The following CASP5 variants were observed in gnomAD, a reference collection of about 807,000 sequenced individuals.
The protein encoded by CASP5 is caspase 5.
A neutral mutation model predicts 45.2 loss-of-function variants in CASP5; 42 were observed. The observed-to-expected ratio is 0.93, with a 90% CI of 0.73 to 1.20. The LOEUF is 1.20. Among genes scored for constraint, CASP5 ranks in the 50% most tolerant of loss-of-function variants. The probability of loss-of-function intolerance (pLI) is 0.00; values close to 1 mark genes in which losing one functional copy is unlikely to be tolerated. For synonymous variants in CASP5, 209 were observed against 186.2 expected (o/e 1.12, Z -1.00); for missense variants, 512 against 532.2 (o/e 0.96, Z 0.37).
At chr11:105,017,900 C>T (rs1021499581) in intron 1 of CASP5, among the ~76,000 whole-genome samples, 7 of 152,156 alleles carry the variant, frequency 4.6e-5, no homozygotes, top group African/African-American at 1.7e-4. Flanking sequence ...TAAGGGCAGC[C>T]AGAGAGAAAG....
At chr11:104,997,749 T>C (rs1163725960) in intron 7 of CASP5, among the ~76,000 whole-genome samples, 2 of 152,196 alleles carry the variant, frequency 1.3e-5, no homozygotes, top group African/African-American at 4.8e-5. Context: ...ATTATGGACC[T>C]CATGTTCATT....
At position 104,999,048 on chromosome 11, in the gene CASP5, C is replaced by CTTT; in HGVS notation, c.953-23_953-21dup. On this transcript the variant is annotated intron_variant, in intron 6 of 9. Coordinates refer to ENST00000260315, the MANE Select transcript of CASP5 (RefSeq NM_004347.5). The stretch of plus-strand genomic sequence containing the variant: ...GTTTTTCTGTAGAGACATCAACTTT[C>CTTT]TTTTTTTTTTATGTTACTTTAAGTT... 2 of 1,409,884 alleles carry CTTT rather than the reference C, an allele frequency of 1.4e-6. No homozygotes were observed. The highest frequency in any genetic ancestry group is 1.9e-6 in the Non-Finnish European group (2 of 1,048,176). The allele number at this position is 1,409,884 out of a possible 1,614,324, so 87.3% of individuals were successfully genotyped here.
At chr11:105,006,622 A>G (rs1022449708) in intron 3 of CASP5, among the ~76,000 whole-genome samples, 3 of 152,216 alleles carry the variant, frequency 2.0e-5, no homozygotes, top group African/African-American at 7.2e-5. Flanking sequence ...AGAGTCCTGA[A>G]TGAGAGCTGG....
At chr11:105,019,880 T>C (rs897084461) in intron 1 of CASP5, among the ~76,000 whole-genome samples, 3 of 145,596 alleles carry the variant, frequency 2.1e-5, no homozygotes, top group African/African-American at 7.5e-5. Context: ...CCAATATCCT[T>C]GATGAACATT....
chr11:105,006,925 A>G (rs1313964526), intron 3 of CASP5, among the ~76,000 whole-genome samples, 158 bp downstream of exon 3: 1 of 152,210 alleles, frequency 6.6e-6, no homozygotes, highest in Non-Finnish European at 1.5e-5. Flanking sequence ...CCGTCCCATA[A>G]AAGACAAGGT....
Position 104,997,377 on chromosome 11 carries a change from G to A in CASP5, c.1206+6C>T, listed in dbSNP as rs752540426. On this transcript the variant is annotated splice_donor_region_variant and intron_variant, in intron 8 of 9. Coordinates refer to ENST00000260315, the MANE Select transcript of CASP5 (RefSeq NM_004347.5). Reference sequence around the variant, plus strand: ...TAAATGACTAGAAAAGGAAATGGAAGCTTACCTTCCGAAATATTTCCATTA... The same window carrying A: ...TAAATGACTAGAAAAGGAAATGGAAACTTACCTTCCGAAATATTTCCATTA... The A allele has an allele frequency of 1.0e-5, 16 of 1,557,048 alleles. No individual in the cohort carries two copies. The highest frequency in any genetic ancestry group is 1.4e-5 in the Non-Finnish European group (16 of 1,128,546).
Position 104,995,816 on chromosome 11 carries a change from C to T in CASP5, c.1233G>A (p.Gln411=), listed in dbSNP as rs1861442796. 6.2e-7 allele frequency: 1 copy of T among 1,611,494 alleles called. No homozygotes were observed. Among genetic ancestry groups the T allele is most frequent in the Non-Finnish European group, 8.5e-7 (1 of 1,178,212 alleles). ...CTATGGTGGGCATCTGGGCTTTAGCCTGTGGAACTTCAAATGATTTCTGTA... is the reference window on the plus strand; with the variant it reads ...CTATGGTGGGCATCTGGGCTTTAGCTTGTGGAACTTCAAATGATTTCTGTA... ...RKVQKSFEVP[Q]AKAQMPTIER... The change falls in exon 9 of 10, where the codon CAG becomes CAA. Residue 411 remains glutamine (Q), a synonymous_variant. Transcript: ENST00000260315.
chr11:105,013,198 C>A (rs1158207892), intron 1 of CASP5, among the ~76,000 whole-genome samples: 1 of 151,996 alleles, frequency 6.6e-6, no homozygotes, highest in East Asian at 1.9e-4. Context: ...TATGATCTCA[C>A]TGATGTGTAG....
chr11:105,022,153 C>G (rs1463640186), intron 1 of CASP5, among the ~76,000 whole-genome samples: 1 of 122,524 alleles, frequency 8.2e-6, no homozygotes, highest in Admixed American at 1.0e-4. Context: ...CACTCTGGAG[C>G]CTGTTGTGGG....
intron 9 of CASP5, 127 bp downstream of exon 9, chr11:104,995,609 TACTC>T: frequency 1.8e-6 from 1 of 544,886 alleles, no homozygotes; most frequent in East Asian, 2.9e-5. Flanking sequence ...AGCAAATAAA[TACTC>T]ACCAGACTAC....
rs1245124190 is a variant in CASP5 at position 105,000,419 on chromosome 11, A to G, written c.794T>C (p.Met265Thr). 1.2e-6 allele frequency: 2 copies of G among 1,614,052 alleles called. No individual in the cohort carries two copies. Among genetic ancestry groups the G allele is most frequent in the Non-Finnish European group, 1.7e-6 (2 of 1,180,016 alleles). The change falls in exon 6 of 10, where the codon ATG (methionine) becomes ACG (threonine). Residue 265 changes from methionine (M) to threonine (T), a missense_variant. Transcript: ENST00000260315. ...GATTCCCTCTAGGATGCCATGAGACATGAGTACCAAGAACGTGCTGTCAGA... is the reference window on the plus strand; with the variant it reads ...GATTCCCTCTAGGATGCCATGAGACGTGAGTACCAAGAACGTGCTGTCAGA... ...KSSDSTFLVL[M>T]SHGILEGICG...
intron 3 of CASP5, among the ~76,000 whole-genome samples, chr11:105,006,445 T>C (rs1423276686): frequency 6.6e-6 from 1 of 152,232 alleles, no homozygotes; most frequent in Non-Finnish European, 1.5e-5. Context: ...ACTTGGTGCA[T>C]GTTACTTCTT....
At chr11:105,009,790 C>A (rs1400264615) in intron 1 of CASP5, among the ~76,000 whole-genome samples, 5 of 113,348 alleles carry the variant, frequency 4.4e-5, no homozygotes. Context: ...TATATATACA[C>A]ACGTATATAT....
In CASP5 at chr11:105,000,298, G is replaced by A. The variant is rs770977523; in HGVS notation, c.915C>T (p.Asp305=). Residue 305 remains aspartate, a synonymous_variant, in exon 6 of 10, where the codon GAC becomes GAT. Coordinates refer to ENST00000260315, the MANE Select transcript of CASP5 (RefSeq NM_004347.5). ...CCTGGACAATGATGACCTTGGGTTT[G>A]TCCTTTAGACTGAGGCAGTTGCGGT... ...FNNRNCLSLK[D]KPKVIIVQAC... 6.2e-7 allele frequency: 1 copy of A among 1,614,126 alleles called. No homozygotes were observed. The highest frequency in any genetic ancestry group is 8.5e-7 in the Non-Finnish European group (1 of 1,180,044).
intron 5 of CASP5, among the ~76,000 whole-genome samples, chr11:105,001,511 A>G (rs1256830592): frequency 6.6e-6 from 1 of 152,148 alleles, no homozygotes; most frequent in Non-Finnish European, 1.5e-5. Flanking sequence ...TTAAAAATAG[A>G]GAAAATTAGC....
intron 1 of CASP5, among the ~76,000 whole-genome samples, chr11:105,017,586 C>T (rs1478119598): frequency 6.6e-6 from 1 of 151,978 alleles, no homozygotes; most frequent in African/African-American, 2.4e-5. Flanking sequence ...TGAAATGAAG[C>T]AAGAAGGGAA....
At chr11:104,995,897 T>C (rs961686768) in intron 8 of CASP5, 55 bp from the exon 9 acceptor site, 5 of 1,092,414 alleles carry the variant, frequency 4.6e-6, no homozygotes, top group Non-Finnish European at 7.0e-6. Flanking sequence ...TCAGAATGCA[T>C]CTTACACCAT....
At position 105,008,998 on chromosome 11, in the gene CASP5, A is replaced by T. The variant is rs1862142970; in HGVS notation, c.8-18T>A. The T allele has an allele frequency of 2.5e-6, 4 of 1,608,220 alleles. No individual in the cohort carries two copies. The South Asian group carries it at 3.3e-5, about 13-fold the overall frequency. ...ACTGTCTTCTATCAGAAATATAAAGACTCCTTCAACTCTGGGCACAGCTTA... is the reference window on the plus strand; with the variant it reads ...ACTGTCTTCTATCAGAAATATAAAGTCTCCTTCAACTCTGGGCACAGCTTA... On this transcript the variant is annotated intron_variant, in intron 1 of 9. Coordinates refer to ENST00000260315, the MANE Select transcript of CASP5 (RefSeq NM_004347.5).
chr11:105,001,965 A>G, intron 5 of CASP5, 63 bp downstream of exon 5: 1 of 1,528,694 alleles, frequency 6.5e-7, no homozygotes, highest in Non-Finnish European at 8.9e-7. Flanking sequence ...TATAAAGCTA[A>G]CTAATTATTA....
Sources: gnomAD v4.1 joint callset for allele counts (sites outside exome capture counted in the v4.1 genomes callset) on GRCh38, gnomAD v4.1.1 for gene constraint, MANE v1.5 for transcripts, NCBI Gene and HGNC (gene_info 2026-07-23, HGNC 2026-07-21) for gene names.